Variants in FGF14 observed in about 807,000 individuals in gnomAD.
FGF14 encodes the protein fibroblast growth factor homologous factor 4.
Under a neutral mutation model 25.5 loss-of-function variants are expected in FGF14, and 5 were observed. That is an observed-to-expected ratio of 0.20 (90% CI 0.10 to 0.41). The LOEUF is 0.41. FGF14 is among the 10% of genes least tolerant of loss of function. The pLI is 1.00. For missense variants in FGF14, 222 were observed against 320.1 expected, an observed-to-expected ratio of 0.69 and a Z score of 2.34; for synonymous variants, 138 against 118.3, an observed-to-expected ratio of 1.17 and a Z score of -1.08.
At chr13:101,804,909 T>C (rs9300695) in intron 3 of FGF14, among the ~76,000 whole-genome samples, 29,357 of 152,078 alleles carry the variant, frequency 0.19, 2,969 homozygotes, top group Admixed American at 0.24. Context: ...CATTTGTAAC[T>C]GTTGGATTCA....
intron 3 of FGF14, among the ~76,000 whole-genome samples, chr13:101,772,602 T>C (rs1444366607): frequency 6.6e-6 from 1 of 152,082 alleles, no homozygotes; most frequent in African/African-American, 2.4e-5. Flanking sequence ...AATTGGTAAG[T>C]TTAAAACGAC....
chr13:102,039,159 C>T lies in FGF14; in HGVS notation c.209-163863G>A, dbSNP rs546168069. On this transcript the variant is annotated intron_variant, in intron 1 of 4. Coordinates refer to the FGF14 transcript ENST00000376131. ...ATTTAAAGTCTATCTCTCGCCCACA[C>T]ATTCTGATATCTTCACTCTATTTTG... Among the ~76,000 whole-genome samples, 5 of 152,300 alleles carry T rather than the reference C, an allele frequency of 3.3e-5. No homozygotes were observed. The South Asian group carries it at 1.0e-3, about 32-fold the overall frequency.
chr13:101,943,998 C>CA (rs58695952), intron 1 of FGF14, among the ~76,000 whole-genome samples: 3,538 of 84,770 alleles, frequency 0.042, 66 homozygotes, highest in Non-Finnish European at 0.077. Context: ...AACTCCGTCT[C>CA]AAAAAAAAAA....
intron 1 of FGF14, among the ~76,000 whole-genome samples, chr13:102,109,249 A>G (rs900861757): frequency 6.6e-6 from 1 of 152,202 alleles, no homozygotes; most frequent in African/African-American, 2.4e-5. Flanking sequence ...TAGACTGGTA[A>G]TTACCAGGGA....
intron 1 of FGF14, among the ~76,000 whole-genome samples, chr13:102,310,858 C>G (rs946761601): frequency 6.6e-6 from 1 of 152,020 alleles, no homozygotes; most frequent in Admixed American, 6.6e-5. Context: ...AGATTCCAGA[C>G]CAGATTGTTC....
chr13:102,061,626 C>T (rs2042694848), intron 1 of FGF14, among the ~76,000 whole-genome samples: 2 of 152,288 alleles, frequency 1.3e-5, no homozygotes, highest in African/African-American at 2.4e-5. Flanking sequence ...AAAATGACCA[C>T]GACATTTTCC....
chr13:102,156,783 T>A (rs1367502556), intron 1 of FGF14, among the ~76,000 whole-genome samples: 1 of 152,112 alleles, frequency 6.6e-6, no homozygotes, highest in African/African-American at 2.4e-5. Flanking sequence ...GCCCAAAATC[T>A]CCTTAAGCTG....
chr13:101,908,252 G>A (rs889869144), intron 1 of FGF14, among the ~76,000 whole-genome samples: 3 of 152,120 alleles, frequency 2.0e-5, no homozygotes, highest in Non-Finnish European at 2.9e-5. Flanking sequence ...GTAAGTGCAG[G>A]CAAATAGTAG....
intron 1 of FGF14, among the ~76,000 whole-genome samples, chr13:102,303,141 A>C (rs185476306): frequency 1.1e-4 from 17 of 152,274 alleles, no homozygotes; most frequent in African/African-American, 4.1e-4. Flanking sequence ...CCACCTCGGC[A>C]TCTCTGCGCT....
intron 3 of FGF14, among the ~76,000 whole-genome samples, chr13:101,757,791 G>A (rs1350258638): frequency 3.3e-5 from 5 of 152,084 alleles, no homozygotes; most frequent in Admixed American, 2.0e-4. Flanking sequence ...ACAGATTATT[G>A]TATTTAGCCC....
intron 1 of FGF14, among the ~76,000 whole-genome samples, chr13:102,183,043 C>CCCA (rs1434708186): frequency 4.6e-5 from 7 of 152,094 alleles, no homozygotes; most frequent in African/African-American, 7.2e-5. Flanking sequence ...TACAAGCAAG[C>CCCA]CCACTCATCC....
chr13:102,375,776 G>T (rs893372332), intron 1 of FGF14, among the ~76,000 whole-genome samples: 4 of 152,078 alleles, frequency 2.6e-5, no homozygotes, highest in Admixed American at 6.6e-5. Flanking sequence ...AAAGCTATCT[G>T]CCTTGTTTGT....
chr13:102,367,185 G>C (rs2139076348), intron 1 of FGF14: 1 of 152,336 alleles, frequency 6.6e-6, no homozygotes, highest in South Asian at 2.1e-4. Flanking sequence ...CTGGCCCAGG[G>C]TCTCTCATGA....
Position 101,715,458 on chromosome 13 carries a change from GATGA to G in FGF14, c.*7369_*7372del. On this transcript the variant is annotated 3_prime_UTR_variant, in exon 5 of 5. Coordinates refer to ENST00000376143, the MANE Select transcript of FGF14 (RefSeq NM_004115.4). ...TTGCACAATAAGAAAATCTACCAAG[GATGA>G]ATGAAATGATTTCATTGTGGACACT... 2.4e-6 allele frequency: 2 copies of G among 816,418 alleles called. No homozygotes were observed. The highest frequency in any genetic ancestry group is 1.7e-5 in the African/African-American group (1 of 59,296). The allele number at this position is 816,418 out of a possible 1,614,324, so 50.6% of individuals were successfully genotyped here. A position where few individuals can be genotyped will look rare whatever the true frequency, so the allele number is the denominator to read the frequency against.
intron 1 of FGF14, among the ~76,000 whole-genome samples, chr13:101,972,955 C>A (rs1027674492): frequency 1.3e-5 from 2 of 152,110 alleles, no homozygotes; most frequent in Admixed American, 1.3e-4. Flanking sequence ...GAAGAATTGA[C>A]AAACAGGAGG....
chr13:102,383,451 A>G (rs953754216), intron 1 of FGF14, among the ~76,000 whole-genome samples: 1 of 152,196 alleles, frequency 6.6e-6, no homozygotes, highest in Admixed American at 6.5e-5. Context: ...AGTAATAGCT[A>G]TTACTATTTT....
chr13:102,358,995 G>T (rs2139025994), intron 1 of FGF14, among the ~76,000 whole-genome samples: 1 of 152,236 alleles, frequency 6.6e-6, no homozygotes, highest in South Asian at 2.1e-4. Context: ...AGCCATAAAA[G>T]GAATGAGATC....
intron 1 of FGF14, among the ~76,000 whole-genome samples, chr13:102,054,483 A>G (rs2042345741): frequency 1.3e-5 from 2 of 152,186 alleles, no homozygotes; most frequent in Non-Finnish European, 2.9e-5. Flanking sequence ...CCACAGAATT[A>G]CTGTCAGGAT....
chr13:102,285,759 A>C (rs1388782165), intron 1 of FGF14, among the ~76,000 whole-genome samples: 1 of 152,202 alleles, frequency 6.6e-6, no homozygotes, highest in Admixed American at 6.5e-5. Context: ...AACTTACAAT[A>C]GGGTAGGTAT....
Sources: allele counts gnomAD v4.1 joint callset (sites outside exome capture counted in the v4.1 genomes callset), GRCh38; gene constraint gnomAD v4.1.1; transcripts MANE v1.5; gene names NCBI Gene and HGNC (gene_info 2026-07-23, HGNC 2026-07-21).